CTNNA1: variants seen among roughly 807,000 people sequenced by gnomAD.
CTNNA1 encodes the protein catenin alpha 1, also known as catenin alpha-1.
CTNNA1 carries 37 observed loss-of-function variants against 98.4 expected under a neutral mutation model. That is an observed-to-expected ratio of 0.38 (90% CI 0.29 to 0.49). The LOEUF (loss-of-function observed/expected upper bound fraction) is 0.49. CTNNA1 is among the 20% of genes least tolerant of loss of function. The pLI, the probability that CTNNA1 is intolerant of heterozygous loss-of-function variation, is 0.95. For synonymous variants in CTNNA1, 404 were observed against 413.2 expected (o/e 0.98, Z 0.27); for missense variants, 761 against 1,147.2 (o/e 0.66, Z 4.86).
At chr5:138,891,096 C>T (rs1484213696) in intron 9 of CTNNA1, 1 of 152,180 alleles carries the variant, frequency 6.6e-6, no homozygotes, top group African/African-American at 2.4e-5. Flanking sequence ...AGTGATTTAC[C>T]ACTTGTCTTA....
At chr5:138,807,008 CTTT>C (rs1321047490) in intron 3 of CTNNA1, among the ~76,000 whole-genome samples, 3 of 111,480 alleles carry the variant, frequency 2.7e-5, no homozygotes, top group Admixed American at 1.8e-4. Flanking sequence ...AGATGTTGGA[CTTT>C]TTTTTTTTTT....
chr5:138,895,663 G>A (rs1253655919), intron 9 of CTNNA1, among the ~76,000 whole-genome samples: 2 of 152,106 alleles, frequency 1.3e-5, no homozygotes, highest in African/African-American at 4.8e-5. Context: ...GAATATAGTA[G>A]TGAATACAAC....
intron 5 of CTNNA1, among the ~76,000 whole-genome samples, chr5:138,814,467 T>C (rs780233499): frequency 1.4e-4 from 21 of 152,222 alleles, no homozygotes; most frequent in Non-Finnish European, 1.5e-4. Flanking sequence ...TAATTGATCC[T>C]GAGAAGAACT....
intron 5 of CTNNA1, among the ~76,000 whole-genome samples, chr5:138,813,639 T>G (rs1759082648): frequency 6.6e-6 from 1 of 152,160 alleles, no homozygotes; most frequent in South Asian, 2.1e-4. Context: ...AAAAATTTTT[T>G]TTGAGGCAGG....
At chr5:138,909,436 G>A (rs1760070212) in intron 10 of CTNNA1, among the ~76,000 whole-genome samples, 1 of 148,680 alleles carries the variant, frequency 6.7e-6, no homozygotes, top group Non-Finnish European at 1.5e-5. Context: ...ATGAATCACT[G>A]CAGCCTTGAC....
At chr5:138,785,671 C>G (rs571515729) in intron 3 of CTNNA1, among the ~76,000 whole-genome samples, 303 of 152,284 alleles carry the variant, frequency 2.0e-3, no homozygotes, top group African/African-American at 6.9e-3. Flanking sequence ...AGCGATTCTT[C>G]TGCCTCAGCT....
chr5:138,816,485 C>T (rs563105530), intron 5 of CTNNA1, among the ~76,000 whole-genome samples: 1 of 152,156 alleles, frequency 6.6e-6, no homozygotes, highest in Non-Finnish European at 1.5e-5. Context: ...GATTTACATT[C>T]CCACCATCAG....
At chr5:138,927,018 G>C (rs1026104356) in intron 13 of CTNNA1, among the ~76,000 whole-genome samples, 1 of 152,154 alleles carries the variant, frequency 6.6e-6, no homozygotes, top group African/African-American at 2.4e-5. Context: ...CCTCACATCT[G>C]CTTTATCTGT....
chr5:138,849,794 C>G (rs1005467441), intron 7 of CTNNA1, among the ~76,000 whole-genome samples: 2 of 152,040 alleles, frequency 1.3e-5, no homozygotes, highest in Non-Finnish European at 2.9e-5. Context: ...GAGATCCTTA[C>G]AGTTGCATTT....
At chr5:138,767,526 G>C (rs1200473455) in intron 1 of CTNNA1, among the ~76,000 whole-genome samples, 1 of 152,142 alleles carries the variant, frequency 6.6e-6, no homozygotes, top group Non-Finnish European at 1.5e-5. Context: ...TTTGGGGACC[G>C]TCTTTTGGGT....
chr5:138,793,028 G>T (rs1756545968), intron 3 of CTNNA1, among the ~76,000 whole-genome samples: 1 of 151,870 alleles, frequency 6.6e-6, no homozygotes, highest in Admixed American at 6.6e-5. Context: ...TCCCATTGTG[G>T]CTTGGTCTTT....
At chr5:138,850,532 G>C (rs1187984212) in intron 7 of CTNNA1, among the ~76,000 whole-genome samples, 63 of 152,158 alleles carry the variant, frequency 4.1e-4, no homozygotes, top group Non-Finnish European at 5.9e-5. Flanking sequence ...TATCTATGTA[G>C]CCATTAGGCA....
chr5:138,809,019 C>G (rs890330879), intron 3 of CTNNA1, among the ~76,000 whole-genome samples: 2 of 152,092 alleles, frequency 1.3e-5, no homozygotes, highest in African/African-American at 4.8e-5. Context: ...GGGTCTTGTT[C>G]TATCACCCAC....
intron 3 of CTNNA1, among the ~76,000 whole-genome samples, chr5:138,800,218 G>A (rs1324643176): frequency 6.6e-6 from 1 of 152,160 alleles, no homozygotes; most frequent in Non-Finnish European, 1.5e-5. Context: ...CACTTTTTAT[G>A]AAAATAATTT....
At chr5:138,789,658 A>G (rs186752618) in intron 3 of CTNNA1, among the ~76,000 whole-genome samples, 6 of 152,128 alleles carry the variant, frequency 3.9e-5, no homozygotes, top group South Asian at 2.1e-4. Context: ...GGGTTTTACC[A>G]TATTGGCCAG....
At chr5:138,758,068 G>A (rs558816332) in intron 1 of CTNNA1, among the ~76,000 whole-genome samples, 3 of 151,914 alleles carry the variant, frequency 2.0e-5, no homozygotes, top group Non-Finnish European at 4.4e-5. Context: ...GTGCAATGGC[G>A]TGATGTCGGC....
chr5:138,790,047 T>C (rs748747247), intron 3 of CTNNA1, among the ~76,000 whole-genome samples: 3 of 152,228 alleles, frequency 2.0e-5, no homozygotes, highest in African/African-American at 7.2e-5. Flanking sequence ...AGATTAGTGT[T>C]AGCTGTGTGC....
In CTNNA1 at chr5:138,874,630, A is replaced by G. The variant is rs1214437713; in HGVS notation, c.1063-11582A>G. 2 of 930,908 alleles carry G rather than the reference A, an allele frequency of 2.1e-6. No individual in the cohort carries two copies. The highest frequency in any genetic ancestry group is 1.7e-5 in the African/African-American group (1 of 59,890). 57.7% of individuals were successfully genotyped at this position (930,908 alleles called of 1,614,324 possible). On this transcript the variant is annotated intron_variant, in intron 7 of 17. Coordinates refer to ENST00000302763, the MANE Select transcript of CTNNA1 (RefSeq NM_001903.5). The surrounding 1 kb of genome is among the most constrained non-coding windows in gnomAD (Gnocchi z 4.1). ...AGAACATATGGGCTATTTAAAAAAAACAACCACCACCAACATTATAGCAAA... is the reference window on the plus strand; with the variant it reads ...AGAACATATGGGCTATTTAAAAAAAGCAACCACCACCAACATTATAGCAAA...
At chr5:138,818,248 A>G (rs1332569185) in intron 5 of CTNNA1, among the ~76,000 whole-genome samples, 1 of 146,790 alleles carries the variant, frequency 6.8e-6, no homozygotes, top group Non-Finnish European at 1.5e-5. Flanking sequence ...TGCTGGGGCT[A>G]CAGGCATGCC....
Sources: allele counts gnomAD v4.1 joint callset (sites outside exome capture counted in the v4.1 genomes callset), GRCh38; gene constraint gnomAD v4.1.1; non-coding constraint Gnocchi (gnomAD v3.1); transcripts MANE v1.5; gene names NCBI Gene and HGNC (gene_info 2026-07-23, HGNC 2026-07-21).